ST7: variants seen among roughly 807,000 people sequenced by gnomAD.
ST7 encodes the protein suppression of tumorigenicity 7.
In ST7, 28 loss-of-function variants were observed where a neutral mutation model predicts 78.7. That is an observed-to-expected ratio of 0.36 (90% CI 0.26 to 0.49). The LOEUF is 0.49. ST7 is among the 20% of genes least tolerant of loss of function. The pLI is 0.99. For synonymous variants in ST7, 247 were observed against 249.6 expected (o/e 0.99, Z 0.10); for missense variants, 418 against 696.0 (o/e 0.60, Z 4.49).
At chr7:117,039,516 GTGAGCCC>G (rs1797092929) in intron 1 of ST7, among the ~76,000 whole-genome samples, 3 of 151,820 alleles carry the variant, frequency 2.0e-5, no homozygotes, top group Non-Finnish European at 4.4e-5. Flanking sequence ...CGAGGCTGCA[GTGAGCCC>G]TGATGGCATC....
chr7:116,966,281 T>G (rs1793111185), intron 1 of ST7, among the ~76,000 whole-genome samples: 1 of 149,436 alleles, frequency 6.7e-6, no homozygotes, highest in Non-Finnish European at 1.5e-5. Flanking sequence ...ATAGGAGTCT[T>G]CCTCTGTCAC....
At chr7:116,982,681 A>T (rs1045192104) in intron 1 of ST7, among the ~76,000 whole-genome samples, 3 of 152,170 alleles carry the variant, frequency 2.0e-5, no homozygotes, top group African/African-American at 7.2e-5. Flanking sequence ...AAGATGTCCC[A>T]GTCTCATCTT....
intron 10 of ST7, among the ~76,000 whole-genome samples, chr7:117,181,592 T>A (rs374922890): frequency 2.7e-4 from 41 of 152,320 alleles, no homozygotes; most frequent in African/African-American, 8.9e-4. Flanking sequence ...ATTAATACGT[T>A]GCTGAGGTAT....
chr7:117,048,287 G>A (rs913846179), intron 1 of ST7, among the ~76,000 whole-genome samples: 1 of 151,984 alleles, frequency 6.6e-6, no homozygotes, highest in African/African-American at 2.4e-5. Flanking sequence ...CATAATTTCT[G>A]TCTGAATTTT....
intron 1 of ST7, among the ~76,000 whole-genome samples, chr7:117,048,611 C>A (rs1797610029): frequency 6.6e-6 from 1 of 152,158 alleles, no homozygotes; most frequent in South Asian, 2.1e-4. Flanking sequence ...CCCACCTGCT[C>A]CTTTTTGCCA....
chr7:117,054,083 C>T (rs2116390378), intron 1 of ST7, among the ~76,000 whole-genome samples: 1 of 152,194 alleles, frequency 6.6e-6, no homozygotes, highest in Admixed American at 6.5e-5. Context: ...GGTGATCTGC[C>T]CACCTCAGCC....
chr7:116,956,756 T>C (rs184172797), intron 1 of ST7: 1 of 425,944 alleles, frequency 2.3e-6, no homozygotes, highest in Non-Finnish European at 4.8e-6. Context: ...TTTTTTAATT[T>C]AGATGCCTCC....
At chr7:117,159,872 G>A (rs12531787) in intron 9 of ST7, among the ~76,000 whole-genome samples, 2,521 of 141,586 alleles carry the variant, frequency 0.018, 80 homozygotes, top group East Asian at 0.16. Flanking sequence ...CAGCCTGGGC[G>A]ACAGAGCAAG....
At chr7:117,193,129 TA>T (rs1809950687) in intron 12 of ST7, among the ~76,000 whole-genome samples, 1 of 147,536 alleles carries the variant, frequency 6.8e-6, no homozygotes, top group Non-Finnish European at 1.5e-5. Flanking sequence ...CAGTGTGCTC[TA>T]AATATCTAAC....
intron 5 of ST7, among the ~76,000 whole-genome samples, chr7:117,131,038 G>T (rs2117020502): frequency 6.6e-6 from 1 of 151,734 alleles, no homozygotes; most frequent in South Asian, 2.1e-4. Flanking sequence ...ATCGAATGGG[G>T]TCATGGCCTT....
intron 1 of ST7, among the ~76,000 whole-genome samples, chr7:117,043,369 G>A (rs904324603): frequency 2.0e-5 from 3 of 152,226 alleles, no homozygotes; most frequent in Admixed American, 6.5e-5. Context: ...ATTGGTATGT[G>A]TTGCTGGGAC....
chr7:116,961,874 G>A (rs913346197), intron 1 of ST7, among the ~76,000 whole-genome samples: 53 of 151,558 alleles, frequency 3.5e-4, no homozygotes, highest in African/African-American at 1.2e-3. Context: ...CTATCAACCC[G>A]TCATCTAGGT....
At chr7:117,050,712 C>T (rs577979139) in intron 1 of ST7, among the ~76,000 whole-genome samples, 299 of 152,224 alleles carry the variant, frequency 2.0e-3, no homozygotes, top group Middle Eastern at 3.4e-3. Flanking sequence ...GAGTGGATCA[C>T]GAGGTCAAGA....
At position 117,031,465 on chromosome 7, in the gene ST7, T is replaced by C. The variant is rs370609085; in HGVS notation, c.152-68297T>C. 9.5e-5 allele frequency among the ~76,000 whole-genome samples: 14 copies of C among 147,356 alleles called. 2 individuals are homozygous for C. The highest frequency in any genetic ancestry group is 3.6e-4 in the African/African-American group (14 of 38,850). On this transcript the variant is annotated intron_variant, in intron 1 of 15. Transcript: ENST00000323984. ...ATATATGTGTGTATATGTGCATATA[T>C]ATGCATATATGTGTGTATATGTGCA...
Position 117,048,869 on chromosome 7 carries a change from T to C in ST7, c.152-50893T>C, listed in dbSNP as rs1443906407. Among the ~76,000 whole-genome samples, 4 of 152,186 alleles carry C rather than the reference T, an allele frequency of 2.6e-5. No individual in the cohort carries two copies. In the South Asian group the frequency reaches 6.2e-4, roughly 24 times the overall value. On this transcript the variant is annotated intron_variant, in intron 1 of 15. Transcript: ENST00000323984. ...CCTTTCCATAGAGTATTGTGTGTAATGAGCCTTAAAAGTCTTTATGATTCC... is the reference window on the plus strand; with the variant it reads ...CCTTTCCATAGAGTATTGTGTGTAACGAGCCTTAAAAGTCTTTATGATTCC...
chr7:117,182,879 A>G (rs1250710472), intron 10 of ST7: 1 of 152,234 alleles, frequency 6.6e-6, no homozygotes, highest in African/African-American at 2.4e-5. Context: ...TATTTATCCT[A>G]CAGAAGATTG....
chr7:117,066,226 A>G (rs922992351), intron 1 of ST7, among the ~76,000 whole-genome samples: 1 of 152,200 alleles, frequency 6.6e-6, no homozygotes, highest in African/African-American at 2.4e-5. Context: ...GTAGATGAGG[A>G]AGTAAAATAC....
chr7:117,055,899 A>G (rs1206069400), intron 1 of ST7, among the ~76,000 whole-genome samples: 1 of 152,208 alleles, frequency 6.6e-6, no homozygotes, highest in African/African-American at 2.4e-5. Flanking sequence ...ACAAGGTCCC[A>G]CAGTAGGCTG....
At chr7:117,118,383 T>A (rs1803069905) in intron 2 of ST7, 1 of 152,240 alleles carries the variant, frequency 6.6e-6, no homozygotes, top group Non-Finnish European at 1.5e-5. Flanking sequence ...TGTTATAGGA[T>A]TGGAAACATT....
Sources: allele counts gnomAD v4.1 joint callset (sites outside exome capture counted in the v4.1 genomes callset), GRCh38; gene constraint gnomAD v4.1.1; transcripts MANE v1.5; gene names NCBI Gene and HGNC (gene_info 2026-07-23, HGNC 2026-07-21).